PTPRR: variants seen among roughly 807,000 people sequenced by gnomAD.
The protein encoded by PTPRR is receptor-type tyrosine-protein phosphatase R.
PTPRR carries 38 observed loss-of-function variants against 77.2 expected under a neutral mutation model. The observed-to-expected ratio is 0.49, with a 90% CI of 0.38 to 0.65. The LOEUF is 0.65. Ranked by LOEUF, PTPRR falls within the 30% of genes least tolerant of loss-of-function variation. The pLI, the probability that PTPRR is intolerant of heterozygous loss-of-function variation, is 0.00. For missense variants in PTPRR, 744 were observed against 799.2 expected (o/e 0.93, Z 0.83); for synonymous variants, 299 against 283.1 (o/e 1.06, Z -0.57).
rs1592829834 is a variant in PTPRR, at chr12:70,911,654, A to C, written c.58+8679T>G. On this transcript the variant is annotated intron_variant, in intron 1 of 13. Coordinates refer to ENST00000283228, the MANE Select transcript of PTPRR (RefSeq NM_002849.4). ...GGGAGAGATATCTGCAGGGAGGTAG[A>C]TATTTTCGAGCTTCATAGTCCACTA... Among the ~76,000 whole-genome samples the C allele has an allele frequency of 2.0e-5, 3 of 149,120 alleles. No homozygotes were observed. The East Asian group carries it at 6.2e-4, about 31-fold the overall frequency.
intron 1 of PTPRR, among the ~76,000 whole-genome samples, chr12:70,906,061 C>CT (rs1290331450): frequency 6.6e-6 from 1 of 151,796 alleles, no homozygotes; most frequent in Admixed American, 6.6e-5. Context: ...AATAAAAGTT[C>CT]TTTTGGGAAA....
intron 2 of PTPRR, among the ~76,000 whole-genome samples, chr12:70,878,002 G>T (rs2137100093): frequency 6.6e-6 from 1 of 152,232 alleles, no homozygotes; most frequent in South Asian, 2.1e-4. Flanking sequence ...AATGGGGAAA[G>T]GATTCCCTAT....
At chr12:70,841,804 A>T (rs185778136) in intron 2 of PTPRR, among the ~76,000 whole-genome samples, 1 of 152,296 alleles carries the variant, frequency 6.6e-6, no homozygotes, top group Admixed American at 6.5e-5. Flanking sequence ...TCATGGTATT[A>T]GTTTTCACTG....
chr12:70,733,465 T>TAAAAAAAAAA (rs1889748544), intron 6 of PTPRR, among the ~76,000 whole-genome samples: 7 of 73,478 alleles, frequency 9.5e-5, no homozygotes, highest in African/African-American at 2.4e-4. Context: ...AAAGAAAAAT[T>TAAAAAAAAAA]ATGGCAAAAA....
rs763851950 is a variant in PTPRR at position 70,656,729 on chromosome 12, T to G, written c.1855A>C (p.Ile619Leu). The G allele has an allele frequency of 6.2e-7, 1 of 1,613,796 alleles. No individual in the cohort carries two copies. Among genetic ancestry groups the G allele is most frequent in the Non-Finnish European group, 8.5e-7 (1 of 1,179,814 alleles). Reference sequence around the variant, plus strand: ...CTATCCATACGAAGCTGGCAGACAATGCTTAGTGCATCCACAACTCCTTCT... The same window carrying G: ...CTATCCATACGAAGCTGGCAGACAAGGCTTAGTGCATCCACAACTCCTTCT... ...KEEGVVDALSIVCQLRMDRGG... is the reference protein window; with the variant it reads ...KEEGVVDALSLVCQLRMDRGG... Residue 619 changes from isoleucine (I) to leucine (L), a missense_variant, in exon 13 of 14, where the codon ATT (isoleucine) becomes CTT (leucine). Transcript: ENST00000283228.
chr12:70,812,914 G>A (rs1891835862), intron 2 of PTPRR, among the ~76,000 whole-genome samples: 1 of 152,176 alleles, frequency 6.6e-6, no homozygotes, highest in Non-Finnish European at 1.5e-5. Flanking sequence ...TCAGCCCCCA[G>A]TTTAATTGCT....
chr12:70,647,377 G>A (rs1006240932), intron 13 of PTPRR, among the ~76,000 whole-genome samples: 1 of 152,158 alleles, frequency 6.6e-6, no homozygotes, highest in African/African-American at 2.4e-5. Flanking sequence ...TGATAGTCAC[G>A]AATTGATTTG....
chr12:70,805,784 G>C (rs1481346689), intron 2 of PTPRR, among the ~76,000 whole-genome samples: 1 of 152,174 alleles, frequency 6.6e-6, no homozygotes, highest in African/African-American at 2.4e-5. Flanking sequence ...CGGATGCATT[G>C]CTCAAGATTA....
chr12:70,911,750 G>GA (rs35226592), intron 1 of PTPRR, among the ~76,000 whole-genome samples: 21,997 of 105,742 alleles, frequency 0.21, 3,043 homozygotes, highest in African/African-American at 0.36. Flanking sequence ...AGGCTCAACT[G>GA]AAAAAAAAAA....
At chr12:70,899,667 C>T (rs1893497762) in intron 1 of PTPRR, among the ~76,000 whole-genome samples, 1 of 151,434 alleles carries the variant, frequency 6.6e-6, no homozygotes. Context: ...GACAAGGCAC[C>T]CATACCATTC....
At chr12:70,777,333 A>G (rs887563432) in intron 2 of PTPRR, among the ~76,000 whole-genome samples, 5 of 151,564 alleles carry the variant, frequency 3.3e-5, no homozygotes, top group African/African-American at 9.7e-5. Context: ...GTCTTTTGCT[A>G]TATTGTCTGT....
intron 13 of PTPRR, among the ~76,000 whole-genome samples, chr12:70,648,247 A>C (rs906596760): frequency 5.3e-5 from 8 of 152,102 alleles, no homozygotes; most frequent in Admixed American, 3.9e-4. Context: ...TTAAAAAAAA[A>C]CCCACCCTTT....
chr12:70,674,284 T>G (rs944378496), intron 10 of PTPRR, among the ~76,000 whole-genome samples: 36 of 152,138 alleles, frequency 2.4e-4, no homozygotes, highest in African/African-American at 7.5e-4. Context: ...TTCTTCATTA[T>G]TCCTTCCTTT....
intron 6 of PTPRR, among the ~76,000 whole-genome samples, chr12:70,706,900 A>T (rs1045827195): frequency 2.0e-5 from 3 of 152,156 alleles, no homozygotes; most frequent in African/African-American, 7.2e-5. Flanking sequence ...AATAAGCAAG[A>T]ATATGTGAAT....
chr12:70,719,054 C>T (rs1889141689), intron 6 of PTPRR, among the ~76,000 whole-genome samples: 2 of 152,026 alleles, frequency 1.3e-5, no homozygotes, highest in South Asian at 4.2e-4. Context: ...ATACTCCTGA[C>T]CGGTTCCTGG....
intron 2 of PTPRR, among the ~76,000 whole-genome samples, chr12:70,811,803 G>A (rs1005140280): frequency 2.0e-5 from 3 of 152,162 alleles, no homozygotes; most frequent in Non-Finnish European, 2.9e-5. Flanking sequence ...CTGGCCCAAG[G>A]TCAAATAGCT....
In PTPRR at chr12:70,639,150, C is replaced by T. The variant is rs1354092826; in HGVS notation, c.*34G>A. The T allele has an allele frequency of 6.3e-7, 1 of 1,580,890 alleles. No individual in the cohort carries two copies. Among genetic ancestry groups the T allele is most frequent in the Non-Finnish European group, 8.7e-7 (1 of 1,154,392 alleles). Reference sequence around the variant, plus strand: ...GGGTGGGTAATTTGATTAATCACCCCAAGAGATTGATGGTCTGACAAGTCT... The same window carrying T: ...GGGTGGGTAATTTGATTAATCACCCTAAGAGATTGATGGTCTGACAAGTCT... On this transcript the variant is annotated 3_prime_UTR_variant, in exon 14 of 14. Transcript: ENST00000283228.
At chr12:70,858,496 T>C (rs1892691188) in intron 2 of PTPRR, among the ~76,000 whole-genome samples, 1 of 151,988 alleles carries the variant, frequency 6.6e-6, no homozygotes. Context: ...CTACCTCCCT[T>C]TATTCTGATC....
At chr12:70,811,365 G>T (rs1286119202) in intron 2 of PTPRR, among the ~76,000 whole-genome samples, 1 of 152,208 alleles carries the variant, frequency 6.6e-6, no homozygotes, top group African/African-American at 2.4e-5. Flanking sequence ...AATGAAGACA[G>T]ACATGATATT....
Sources: gnomAD v4.1 joint callset for allele counts (sites outside exome capture counted in the v4.1 genomes callset) on GRCh38, gnomAD v4.1.1 for gene constraint, MANE v1.5 for transcripts, NCBI Gene and HGNC (gene_info 2026-07-23, HGNC 2026-07-21) for gene names.